EXOC3L4: variants seen among roughly 807,000 people sequenced by gnomAD.
EXOC3L4 encodes the protein exocyst complex component 3-like protein 4.
A neutral mutation model predicts 69.7 loss-of-function variants in EXOC3L4; 62 were observed. The observed-to-expected ratio is 0.89, with a 90% CI of 0.72 to 1.10. The LOEUF (loss-of-function observed/expected upper bound fraction) is 1.10, where lower values mean the gene tolerates loss of function less well. EXOC3L4 is among the 50% of genes least tolerant of loss of function. EXOC3L4 has a pLI of 0.00. For synonymous variants in EXOC3L4, 502 were observed against 464.2 expected (o/e 1.08, Z -1.05); for missense variants, 1,087 against 1,034.8 (o/e 1.05, Z -0.69).
intron 3 of EXOC3L4, 155 bp from the exon 4 acceptor site, chr14:103,103,786 A>C: frequency 8.9e-6 from 4 of 451,420 alleles, no homozygotes; most frequent in Non-Finnish European, 1.1e-5. Context: ...GGCAGCCTAG[A>C]GGCGCGCGCG....
In EXOC3L4 at chr14:103,102,466, C is replaced by T; in HGVS notation, c.743C>T (p.Ala248Val). ...PRRWRQHWEE[A>V]VRRSAQERVR... ...CGCTGGCGCCAGCACTGGGAGGAGG[C>T]GGTGCGGCGAAGCGCTCAGGAGCGC... is the stretch of plus-strand genomic sequence containing the variant. The change falls in exon 3 of 12, where the codon GCG becomes GTG. Residue 248 changes from alanine (A) to valine (V), a missense_variant. By Grantham distance (64) the Ala-to-Val change is moderately conservative (BLOSUM62 0). Coordinates refer to ENST00000688303, the MANE Select transcript of EXOC3L4 (RefSeq NM_001077594.2). 2 of 1,453,070 alleles carry T rather than the reference C, an allele frequency of 1.4e-6. No homozygotes were observed. Among genetic ancestry groups the T allele is most frequent in the Non-Finnish European group, 1.8e-6 (2 of 1,114,682 alleles). The allele number at this position is 1,453,070 out of a possible 1,614,324, so 90.0% of individuals were successfully genotyped here. A position where few individuals can be genotyped will look rare whatever the true frequency, so the allele number is the denominator to read the frequency against.
chr14:103,107,336 G>T, intron 8 of EXOC3L4, 88 bp from the exon 9 acceptor site: 2 of 1,549,888 alleles, frequency 1.3e-6, no homozygotes, highest in East Asian at 2.3e-5. Flanking sequence ...GGAGGGAAGG[G>T]GTCAGGAGTG....
At chr14:103,108,003 G>A (rs1890669656) in intron 10 of EXOC3L4, among the ~76,000 whole-genome samples, 1 of 152,182 alleles carries the variant, frequency 6.6e-6, no homozygotes, top group Non-Finnish European at 1.5e-5. Flanking sequence ...AGGGGTGCGG[G>A]GAAGGGGCGA....
intron 10 of EXOC3L4, among the ~76,000 whole-genome samples, chr14:103,108,105 A>C (rs1890675677): frequency 6.6e-6 from 1 of 152,148 alleles, no homozygotes. Context: ...GCGCCCCTGC[A>C]CACCCCTCGT....
rs777618447 is a variant in EXOC3L4 at position 103,100,394 on chromosome 14, C to T, written c.175C>T (p.Arg59Trp). Residue 59 changes from arginine to tryptophan, a missense_variant, in exon 2 of 12, where the codon CGG (arginine) becomes TGG (tryptophan). By Grantham distance (101) the Arg-to-Trp change is moderately radical. Coordinates refer to ENST00000688303, the MANE Select transcript of EXOC3L4 (RefSeq NM_001077594.2). ...GLGSLRQAFS[R>W]ASQRALTQVS... ...GGGCTCCCTGAGGCAGGCCTTCTCC[C>T]GGGCCAGCCAGCGGGCTTTGACCCA... The T allele has an allele frequency of 6.8e-6, 11 of 1,610,030 alleles. No homozygotes were observed. Among genetic ancestry groups the T allele is most frequent in the South Asian group, 3.3e-5 (3 of 90,360 alleles).
chr14:103,109,890 C>T, intron 11 of EXOC3L4, 141 bp from the exon 12 acceptor site: 1 of 911,122 alleles, frequency 1.1e-6, no homozygotes, highest in Non-Finnish European at 1.6e-6. Context: ...TCTTCCTGGC[C>T]TCAGTCAATC....
rs149748549 is a variant in EXOC3L4 at position 103,103,053 on chromosome 14, C to G, written c.1049+281C>G. 7.2e-5 allele frequency among the ~76,000 whole-genome samples: 11 copies of G among 152,294 alleles called. No homozygotes were observed. The East Asian group carries it at 1.9e-3, about 27-fold the overall frequency. On this transcript the variant is annotated intron_variant, in intron 3 of 11. Coordinates refer to ENST00000688303, the MANE Select transcript of EXOC3L4 (RefSeq NM_001077594.2). ...GGCCTGTGCTGGTTCCACCAGGTGC[C>G]TTTGGGCGCATCAGAAAAGGGCACA...
rs1356131059 is a variant in EXOC3L4, at chr14:103,097,097, TA to T, written c.-17+2258del. Reference sequence around the variant, plus strand: ...AGGAGCAGCTACGGGAGGGAAGGTCTAGGGGAAAGCGGGGAGTAGAAGCTGA... The same window carrying T: ...AGGAGCAGCTACGGGAGGGAAGGTCTGGGGAAAGCGGGGAGTAGAAGCTGA... On this transcript the variant is annotated intron_variant, in intron 1 of 11. Coordinates refer to ENST00000688303, the MANE Select transcript of EXOC3L4 (RefSeq NM_001077594.2). The surrounding 1 kb of genome is among the most constrained non-coding windows in gnomAD (Gnocchi z 4.9). Among the ~76,000 whole-genome samples, 1 of 114,834 alleles carries T rather than the reference TA, an allele frequency of 8.7e-6. No homozygotes were observed. Among genetic ancestry groups the T allele is most frequent in the Admixed American group, 1.2e-4 (1 of 8,384 alleles). The allele number at this position is 114,834 out of a possible 152,430, so 75.3% of individuals were successfully genotyped here. A position where few individuals can be genotyped will look rare whatever the true frequency, so the allele number is the denominator to read the frequency against.
At position 103,110,131 on chromosome 14, in the gene EXOC3L4, G is replaced by C. The variant is rs544292874; in HGVS notation, c.2077G>C (p.Gly693Arg). ...TCAAGACCTGCTGAGAGCTGCGGCC[G>C]GGGCGGCGGGTGCGGAGGCCCCTCG... ...HTQDLLRAAA[G>R]AAGAEAPRGR... is the part of the protein sequence containing the mutation. Residue 693 changes from glycine to arginine, a missense_variant, in exon 12 of 12, where the codon GGG (glycine) becomes CGG (arginine). Transcript: ENST00000688303. The C allele has an allele frequency of 1.9e-6, 3 of 1,554,070 alleles. No individual in the cohort carries two copies. Among genetic ancestry groups the C allele is most frequent in the Non-Finnish European group, 2.6e-6 (3 of 1,149,112 alleles).
intron 3 of EXOC3L4, among the ~76,000 whole-genome samples, chr14:103,103,354 CAAAAAAA>C (rs3070496): frequency 4.2e-5 from 4 of 94,910 alleles, no homozygotes; most frequent in Non-Finnish European, 6.3e-5. Flanking sequence ...GACTCTGTCT[CAAAAAAA>C]AAAAAAAAAA....
chr14:103,101,635 C>G (rs1205137602), intron 2 of EXOC3L4, among the ~76,000 whole-genome samples: 1 of 152,136 alleles, frequency 6.6e-6, no homozygotes, highest in Non-Finnish European at 1.5e-5. Context: ...AGGGGGATTG[C>G]CCAGAGGAGG....
intron 2 of EXOC3L4, 112 bp from the exon 3 acceptor site, chr14:103,102,006 G>T: frequency 1.7e-6 from 2 of 1,157,864 alleles, no homozygotes; most frequent in Non-Finnish European, 2.4e-6. Context: ...GGGGCATCTG[G>T]CAGAGGACAG....
chr14:103,095,763 G>A (rs1173302881), intron 1 of EXOC3L4, among the ~76,000 whole-genome samples: 6 of 152,224 alleles, frequency 3.9e-5, no homozygotes, highest in African/African-American at 4.8e-5. Context: ...TAGGAAAGGT[G>A]TTGCTTGTAT....
rs773189648 is a variant in EXOC3L4, at chr14:103,110,124, T to C, written c.2070T>C (p.Ala690=). The C allele has an allele frequency of 1.4e-5, 22 of 1,561,716 alleles. No individual in the cohort carries two copies. The highest frequency in any genetic ancestry group is 1.8e-5 in the Non-Finnish European group (21 of 1,153,476). ...AGCACACTCAAGACCTGCTGAGAGC[T>C]GCGGCCGGGGCGGCGGGTGCGGAGG... ...LLQHTQDLLR[A]AAGAAGAEAP... The change falls in exon 12 of 12, where the codon GCT becomes GCC. Residue 690 remains alanine, a synonymous_variant. Transcript: ENST00000688303.
At position 103,110,439 on chromosome 14, in the gene EXOC3L4, G is replaced by C; in HGVS notation, c.*216G>C. On this transcript the variant is annotated 3_prime_UTR_variant, in exon 12 of 12. Coordinates refer to ENST00000688303, the MANE Select transcript of EXOC3L4 (RefSeq NM_001077594.2). ...TCGTTGAGGGGAGTGTTTTGGGGCC[G>C]CAGAGCTCTCAATGCTGCCTATCGG... is the stretch of plus-strand genomic sequence containing the variant. The C allele has an allele frequency of 1.5e-6, 1 of 680,564 alleles. No individual in the cohort carries two copies. Among genetic ancestry groups the C allele is most frequent in the East Asian group, 2.9e-5 (1 of 34,540 alleles). 42.2% of individuals were successfully genotyped at this position (680,564 alleles called of 1,614,324 possible). A position where few individuals can be genotyped will look rare whatever the true frequency, so the allele number is the denominator to read the frequency against.
In EXOC3L4 at chr14:103,104,276, G is replaced by A. The variant is rs988808817; in HGVS notation, c.1171G>A (p.Ala391Thr). The A allele has an allele frequency of 1.3e-6, 2 of 1,589,854 alleles. No individual in the cohort carries two copies. The highest frequency in any genetic ancestry group is 1.7e-5 in the Admixed American group (1 of 57,908). ...DYTSFLEAKI[A>T]SCFDSILQLE... The stretch of plus-strand genomic sequence containing the variant: ...TCCCTTCTCCCCCCAGGCCAAGATC[G>A]CAAGCTGCTTCGACAGCATCTTGCA... Residue 391 changes from alanine to threonine, a missense_variant, in exon 5 of 12, where the codon GCA becomes ACA. Ala to Thr is a moderately conservative substitution (Grantham distance 58). Coordinates refer to ENST00000688303, the MANE Select transcript of EXOC3L4 (RefSeq NM_001077594.2).
At position 103,108,434 on chromosome 14, in the gene EXOC3L4, C is replaced by T. The variant is rs760055414; in HGVS notation, c.1893C>T (p.Cys631=). The T allele has an allele frequency of 5.6e-5, 91 of 1,613,756 alleles. 1 individual carries two copies. The South Asian group carries it at 6.6e-4, about 12-fold the overall frequency. The change falls in exon 11 of 12, where the codon TGC becomes TGT. Residue 631 remains cysteine (C), a synonymous_variant. Transcript: ENST00000688303. ...EATWLDQAIQ[C]VAEILGETYK... is the part of the protein sequence containing the mutation. ...CATGGTTGGACCAAGCCATCCAGTG[C>T]GTGGCTGAGATCCTGGGCGAGACCT...
chr14:103,100,060 G>A lies in EXOC3L4; in HGVS notation c.-16-144G>A, dbSNP rs41310844. 9.7e-4 allele frequency: 837 copies of A among 865,356 alleles called. 1 individual carries two copies. The highest frequency in any genetic ancestry group is 1.6e-3 in the Admixed American group (55 of 33,512). 53.6% of individuals were successfully genotyped at this position (865,356 alleles called of 1,614,324 possible). ...ACTGAGGGCTCTCGCCAAGAGAGTG[G>A]CCTGGTGATGCTTCCTTTTGACAGC... On this transcript the variant is annotated intron_variant, in intron 1 of 11. Coordinates refer to ENST00000688303, the MANE Select transcript of EXOC3L4 (RefSeq NM_001077594.2).
Position 103,110,263 on chromosome 14 carries a change from G to C in EXOC3L4, c.*40G>C. 2 of 1,499,974 alleles carry C rather than the reference G, an allele frequency of 1.3e-6. No homozygotes were observed. Among genetic ancestry groups the C allele is most frequent in the Non-Finnish European group, 1.8e-6 (2 of 1,126,216 alleles). The allele number at this position is 1,499,974 out of a possible 1,614,324, so 92.9% of individuals were successfully genotyped here. On this transcript the variant is annotated 3_prime_UTR_variant, in exon 12 of 12. Transcript: ENST00000688303. ...AGGGGGGGCCGGCCGCTGGCAGGGAGCTGTGGTCAGTGGGGGTCAGCCAGG... is the reference window on the plus strand; with the variant it reads ...AGGGGGGGCCGGCCGCTGGCAGGGACCTGTGGTCAGTGGGGGTCAGCCAGG...
Sources: allele counts gnomAD v4.1 joint callset (sites outside exome capture counted in the v4.1 genomes callset), GRCh38; gene constraint gnomAD v4.1.1; non-coding constraint Gnocchi (gnomAD v3.1); transcripts MANE v1.5; gene names NCBI Gene and HGNC (gene_info 2026-07-23, HGNC 2026-07-21).